The following ABTB3 variants were observed in gnomAD, a reference collection of about 807,000 sequenced individuals.
ABTB3 encodes ankyrin repeat- and BTB/POZ domain-containing protein 3.
the ABTB3 span, among the ~76,000 whole-genome samples, chr12:107,404,308 A>G: frequency 6.6e-6 from 1 of 152,178 alleles, no homozygotes. Flanking sequence ...CTAATGATCC[A>G]TGTCCCATCT....
At chr12:107,502,577 T>C in the ABTB3 span, among the ~76,000 whole-genome samples, 3 of 124,874 alleles carry the variant, frequency 2.4e-5, no homozygotes, top group African/African-American at 1.3e-4. Flanking sequence ...AAGTGGAATG[T>C]TTTAAATCGG....
chr12:107,566,411 A>G, the ABTB3 span, among the ~76,000 whole-genome samples: 1 of 152,322 alleles, frequency 6.6e-6, no homozygotes, highest in South Asian at 2.1e-4. Flanking sequence ...TTTATAACCA[A>G]TTTAACTCTG....
the ABTB3 span, among the ~76,000 whole-genome samples, chr12:107,543,192 C>T: frequency 1.3e-5 from 2 of 151,854 alleles, no homozygotes; most frequent in East Asian, 1.9e-4. Flanking sequence ...GAAAATTAAC[C>T]GGTTGTGGTG....
At chr12:107,412,334 C>T in the ABTB3 span, among the ~76,000 whole-genome samples, 1 of 152,200 alleles carries the variant, frequency 6.6e-6, no homozygotes, top group African/African-American at 2.4e-5. Flanking sequence ...ACAGCCTGAG[C>T]CAAGCTCAGA....
At chr12:107,627,692 T>C in the ABTB3 span, among the ~76,000 whole-genome samples, 1 of 152,150 alleles carries the variant, frequency 6.6e-6, no homozygotes, top group East Asian at 1.9e-4. Flanking sequence ...GGTGCAGTCA[T>C]GGGCCCCTAG....
At chr12:107,390,552 G>T in the ABTB3 span, among the ~76,000 whole-genome samples, 9 of 152,202 alleles carry the variant, frequency 5.9e-5, no homozygotes, top group African/African-American at 2.2e-4. Flanking sequence ...TCTAGGAAGA[G>T]GTAGGAGGCA....
the ABTB3 span, among the ~76,000 whole-genome samples, chr12:107,512,450 G>A: frequency 6.6e-6 from 1 of 152,214 alleles, no homozygotes; most frequent in Non-Finnish European, 1.5e-5. Flanking sequence ...TTTTCCATTT[G>A]AGGTTAATGG....
chr12:107,369,104 C>T, the ABTB3 span, among the ~76,000 whole-genome samples: 1 of 152,164 alleles, frequency 6.6e-6, no homozygotes, highest in Non-Finnish European at 1.5e-5. Context: ...GTAATCAAAT[C>T]TACCAACTTT....
At chr12:107,563,688 A>T in the ABTB3 span, among the ~76,000 whole-genome samples, 1 of 152,182 alleles carries the variant, frequency 6.6e-6, no homozygotes, top group African/African-American at 2.4e-5. Flanking sequence ...GAACTCTTGA[A>T]GAGGTGACAT....
the ABTB3 span, among the ~76,000 whole-genome samples, chr12:107,400,181 A>C: frequency 6.6e-6 from 1 of 152,244 alleles, no homozygotes; most frequent in East Asian, 1.9e-4. Flanking sequence ...AGAATGATTT[A>C]TAATCCTTTG....
At chr12:107,630,341 C>CG in the ABTB3 span, among the ~76,000 whole-genome samples, 1 of 152,144 alleles carries the variant, frequency 6.6e-6, no homozygotes, top group Non-Finnish European at 1.5e-5. Flanking sequence ...GGGAAACATT[C>CG]CCTAAACCTC....
At chr12:107,400,571 T>A in the ABTB3 span, among the ~76,000 whole-genome samples, 1 of 152,182 alleles carries the variant, frequency 6.6e-6, no homozygotes, top group Middle Eastern at 3.2e-3. Context: ...TCTCCTTACC[T>A]GTACAATGGG....
At chr12:107,330,960 CAG>C in the ABTB3 span, among the ~76,000 whole-genome samples, 2 of 152,136 alleles carry the variant, frequency 1.3e-5, no homozygotes, top group African/African-American at 4.8e-5. Flanking sequence ...AAAAGCAAAT[CAG>C]AGAGGAAGCT....
At chr12:107,469,866 TTTTCTTTC>T in the ABTB3 span, among the ~76,000 whole-genome samples, 643 of 75,580 alleles carry the variant, frequency 8.5e-3, 15 homozygotes, top group South Asian at 0.013. Flanking sequence ...TCTTTCTTTC[TTTTCTTTC>T]TTTCTTTCTT....
the ABTB3 span, among the ~76,000 whole-genome samples, chr12:107,446,895 G>T: frequency 6.6e-6 from 1 of 152,078 alleles, no homozygotes; most frequent in Non-Finnish European, 1.5e-5. Flanking sequence ...TGCTCTAGAG[G>T]GCTAGTAGAA....
At chr12:107,500,264 A>T in the ABTB3 span, among the ~76,000 whole-genome samples, 1 of 152,146 alleles carries the variant, frequency 6.6e-6, no homozygotes, top group Non-Finnish European at 1.5e-5. Context: ...CCCGCTCCCC[A>T]GGACTGGGGT....
the ABTB3 span, among the ~76,000 whole-genome samples, chr12:107,322,654 G>A: frequency 1.3e-5 from 2 of 152,120 alleles, no homozygotes; most frequent in African/African-American, 4.8e-5. Flanking sequence ...CTGGGTAAGA[G>A]GTAATAACAG....
chr12:107,614,839 C>G, the ABTB3 span, among the ~76,000 whole-genome samples: 1 of 152,282 alleles, frequency 6.6e-6, no homozygotes, highest in African/African-American at 2.4e-5. Context: ...GGTCTCTGTT[C>G]TTACAAACAC....
the ABTB3 span, among the ~76,000 whole-genome samples, chr12:107,511,241 G>A: frequency 5.3e-5 from 8 of 152,202 alleles, no homozygotes; most frequent in African/African-American, 1.9e-4. Context: ...AAAGTGAAAA[G>A]CATTTTAAGA....
Sources: gnomAD v4.1 joint callset for allele counts (sites outside exome capture counted in the v4.1 genomes callset) on GRCh38, gnomAD v4.1.1 for gene constraint, MANE v1.5 for transcripts, NCBI Gene and HGNC (gene_info 2026-07-23, HGNC 2026-07-21) for gene names.